HORMAD2: variants seen among roughly 807,000 people sequenced by gnomAD.
The protein encoded by HORMAD2 is HORMA domain containing 2, also known as HORMA domain-containing protein 2.
HORMAD2 carries 45 observed loss-of-function variants against 38.8 expected under a neutral mutation model. That is an observed-to-expected ratio of 1.16 (90% CI 0.91 to 1.49). The LOEUF (loss-of-function observed/expected upper bound fraction) is 1.49, where lower values mean the gene tolerates loss of function less well. Ranked by LOEUF, HORMAD2 falls within the 40% of genes most tolerant of loss-of-function variation. HORMAD2 has a pLI of 0.00. For missense variants in HORMAD2, 338 were observed against 367.0 expected (o/e 0.92, Z 0.65); for synonymous variants, 126 against 122.8 (o/e 1.03, Z -0.17).
chr22:30,178,104 TAA>T (rs1243814983), downstream of HORMAD2, among the ~76,000 whole-genome samples: 31 of 151,794 alleles, frequency 2.0e-4, no homozygotes, highest in South Asian at 6.5e-3. Flanking sequence ...AAAAACTCTA[TAA>T]AGACTCTCAA....
intron 10 of HORMAD2, among the ~76,000 whole-genome samples, chr22:30,142,815 T>A (rs1924168697): frequency 6.6e-6 from 1 of 152,176 alleles, no homozygotes; most frequent in African/African-American, 2.4e-5. Flanking sequence ...ATTTCTTTAA[T>A]TTTTTTCACT....
chr22:30,110,770 C>T (rs1409975974), intron 5 of HORMAD2, among the ~76,000 whole-genome samples: 1 of 152,102 alleles, frequency 6.6e-6, no homozygotes, highest in Non-Finnish European at 1.5e-5. Flanking sequence ...TGGGTTTGAG[C>T]TTCACAGGTC....
chr22:30,104,399 A>G lies in HORMAD2; in HGVS notation c.258-2A>G. ...TGACATCAAACATTTATTTCTTGACAGGATTCAAGGTTGTTTTGATGCTTT... is the reference window on the plus strand; with the variant it reads ...TGACATCAAACATTTATTTCTTGACGGGATTCAAGGTTGTTTTGATGCTTT... On this transcript the variant is annotated splice_acceptor_variant, in intron 4 of 10. Transcript: ENST00000336726. LOFTEE classifies it high-confidence loss of function. 6.2e-7 allele frequency: 1 copy of G among 1,609,966 alleles called. No homozygotes were observed. Among genetic ancestry groups the G allele is most frequent in the Non-Finnish European group, 8.5e-7 (1 of 1,177,992 alleles).
At chr22:30,140,853 G>A (rs1202899969) in intron 10 of HORMAD2, among the ~76,000 whole-genome samples, 1 of 152,104 alleles carries the variant, frequency 6.6e-6, no homozygotes. Context: ...AGTGTCTTAA[G>A]GTGGAAAGTT....
At chr22:30,169,034 A>T (rs763589381) in intron 10 of HORMAD2, among the ~76,000 whole-genome samples, 3 of 152,078 alleles carry the variant, frequency 2.0e-5, no homozygotes, top group African/African-American at 7.2e-5. Context: ...CCTGCTTTAT[A>T]TCCCTGTACC....
chr22:30,181,524 C>T (rs1254326566), downstream of HORMAD2, among the ~76,000 whole-genome samples: 2 of 152,174 alleles, frequency 1.3e-5, no homozygotes, highest in Non-Finnish European at 2.9e-5. Context: ...CCCACATTTG[C>T]ATTTTAAAAC....
chr22:30,094,951 T>C (rs1465228707), intron 2 of HORMAD2, among the ~76,000 whole-genome samples: 1 of 152,180 alleles, frequency 6.6e-6, no homozygotes. Flanking sequence ...CAGGATCTAG[T>C]ATAAAAATGA....
the HORMAD2 span, among the ~76,000 whole-genome samples, chr22:30,189,118 GT>G: frequency 6.6e-6 from 1 of 151,154 alleles, no homozygotes; most frequent in Admixed American, 6.6e-5. Context: ...AAAAAAAAAA[GT>G]TTTTTTCATT....
At chr22:30,093,416 G>A (rs1356855341) in intron 1 of HORMAD2, among the ~76,000 whole-genome samples, 1 of 152,034 alleles carries the variant, frequency 6.6e-6, no homozygotes, top group Non-Finnish European at 1.5e-5. Context: ...ACACTCTGAG[G>A]GAATAACAAG....
intron 7 of HORMAD2, among the ~76,000 whole-genome samples, chr22:30,117,393 C>T (rs1451329679): frequency 1.3e-5 from 2 of 152,086 alleles, no homozygotes; most frequent in African/African-American, 2.4e-5. Context: ...ATATCTGGGC[C>T]AAACATTTGC....
chr22:30,103,116 A>T (rs535611523), intron 3 of HORMAD2, among the ~76,000 whole-genome samples: 1 of 152,322 alleles, frequency 6.6e-6, no homozygotes, highest in African/African-American at 2.4e-5. Context: ...CAATGGAGAT[A>T]GTCTCAATAC....
chr22:30,196,753 G>A, the HORMAD2 span, among the ~76,000 whole-genome samples: 1 of 152,138 alleles, frequency 6.6e-6, no homozygotes, highest in African/African-American at 2.4e-5. Flanking sequence ...GTGCATGTGG[G>A]GTTTAGGGCT....
At chr22:30,088,382 C>T (rs1257154010) in intron 1 of HORMAD2, among the ~76,000 whole-genome samples, 1 of 150,960 alleles carries the variant, frequency 6.6e-6, no homozygotes, top group Non-Finnish European at 1.5e-5. Context: ...TAATATTAAC[C>T]TGCTTGAATC....
chr22:30,174,492 GGCCTC>G (rs1926311430), intron 10 of HORMAD2, among the ~76,000 whole-genome samples: 1 of 152,072 alleles, frequency 6.6e-6, no homozygotes, highest in African/African-American at 2.4e-5. Context: ...AGAGTTCCCA[GGCCTC>G]ACTATTACCT....
At chr22:30,123,643 G>GTATT (rs71198526) in intron 10 of HORMAD2, among the ~76,000 whole-genome samples, 3,369 of 145,324 alleles carry the variant, frequency 0.023, 51 homozygotes, top group East Asian at 0.065. Context: ...CCTCAGCTAG[G>GTATT]TATTTATTTA....
chr22:30,083,017 C>T (rs1316075499), intron 1 of HORMAD2, among the ~76,000 whole-genome samples: 1 of 151,660 alleles, frequency 6.6e-6, no homozygotes, highest in Non-Finnish European at 1.5e-5. Context: ...ACTTATAATC[C>T]CAGCACTTTG....
At chr22:30,091,605 G>A (rs2068688870) in intron 1 of HORMAD2, among the ~76,000 whole-genome samples, 1 of 152,088 alleles carries the variant, frequency 6.6e-6, no homozygotes, top group Admixed American at 6.6e-5. Flanking sequence ...GGACACTTAG[G>A]TTGATTCCAT....
chr22:30,161,651 C>G (rs532443553), intron 10 of HORMAD2, among the ~76,000 whole-genome samples: 46 of 152,138 alleles, frequency 3.0e-4, no homozygotes, highest in African/African-American at 9.4e-4. Context: ...TGACATTTTT[C>G]TATTGAAAAG....
intron 8 of HORMAD2, among the ~76,000 whole-genome samples, chr22:30,120,015 A>T (rs1313964333): frequency 6.6e-6 from 1 of 152,222 alleles, no homozygotes; most frequent in Non-Finnish European, 1.5e-5. Context: ...AGCACTTTTC[A>T]TACACGTTTT....
Sources: gnomAD v4.1 joint callset for allele counts (sites outside exome capture counted in the v4.1 genomes callset) on GRCh38, gnomAD v4.1.1 for gene constraint, MANE v1.5 for transcripts, NCBI Gene and HGNC (gene_info 2026-07-23, HGNC 2026-07-21) for gene names.